Variants in DACH2 observed in about 807,000 individuals in gnomAD.
DACH2 encodes the protein dachshund homolog 2.
A neutral mutation model predicts 35.8 loss-of-function variants in DACH2; 17 were observed. The observed-to-expected ratio is 0.48, with a 90% confidence interval of 0.33 to 0.71. The LOEUF (loss-of-function observed/expected upper bound fraction) is 0.71, where lower values mean the gene tolerates loss of function less well. Ranked by LOEUF, DACH2 falls within the 30% of genes least tolerant of loss-of-function variation. The probability of loss-of-function intolerance (pLI) is 0.02; values close to 1 mark genes in which losing one functional copy is unlikely to be tolerated. For missense variants in DACH2, 469 were observed against 472.7 expected, an observed-to-expected ratio of 0.99 and a Z score of 0.07; for synonymous variants, 195 against 177.3, an observed-to-expected ratio of 1.10 and a Z score of -0.79.
intron 2 of DACH2, chrX:86,481,742 C>T (rs1302910569): frequency 1.8e-5 from 2 of 111,756 alleles, no homozygotes; most frequent in East Asian, 5.7e-4. Flanking sequence ...TCTGGAAGAT[C>T]CCTGGAGCTC....
intron 3 of DACH2, among the ~76,000 whole-genome samples, chrX:86,543,273 C>A (rs2038911501): frequency 9.0e-6 from 1 of 111,606 alleles, no homozygotes; most frequent in Non-Finnish European, 1.9e-5. Context: ...ACTGAATCCA[C>A]CTTATAAACC....
intron 11 of DACH2, among the ~76,000 whole-genome samples, chrX:86,822,644 A>C (rs2147363853): frequency 8.9e-6 from 1 of 111,798 alleles, no homozygotes; most frequent in East Asian, 2.8e-4. Flanking sequence ...AGACTATAGT[A>C]TTTTCCCATG....
intron 2 of DACH2, among the ~76,000 whole-genome samples, chrX:86,429,969 A>T (rs1469147785): frequency 8.9e-6 from 1 of 112,279 alleles, no homozygotes; most frequent in African/African-American, 3.2e-5. Flanking sequence ...GAAAATGTGA[A>T]TTTTCTGTTT....
intron 1 of DACH2, among the ~76,000 whole-genome samples, chrX:86,237,564 G>A (rs764224516): frequency 4.0e-4 from 45 of 111,230 alleles, no homozygotes; most frequent in African/African-American, 1.4e-3. Flanking sequence ...GCCTCTGCCC[G>A]AGTTTTTACT....
Position 86,283,987 on chromosome X carries a change from A to AT in DACH2, c.489-92828dup, listed in dbSNP as rs139934125. The stretch of plus-strand genomic sequence containing the variant: ...AACTTTACTGAATTTATCAGTTTTA[A>AT]TTTTTTTTTGGTGTATTCTTTAGGT... On this transcript the variant is annotated intron_variant, in intron 1 of 11. Coordinates refer to ENST00000373125, the MANE Select transcript of DACH2 (RefSeq NM_053281.3). 2.9e-4 allele frequency among the ~76,000 whole-genome samples: 32 copies of AT among 108,603 alleles called. No homozygotes were observed. The East Asian group carries it at 5.8e-3, about 20-fold the overall frequency. 94.3% of individuals were successfully genotyped at this position (108,603 alleles called of 115,157 possible).
chrX:86,538,079 G>T (rs1261953813), intron 3 of DACH2, among the ~76,000 whole-genome samples: 1 of 110,698 alleles, frequency 9.0e-6, no homozygotes, highest in Non-Finnish European at 1.9e-5. Flanking sequence ...CCTGCACCCA[G>T]GTGATTAAAA....
intron 1 of DACH2, among the ~76,000 whole-genome samples, chrX:86,168,750 C>T (rs911771323): frequency 1.6e-4 from 17 of 109,130 alleles, no homozygotes; most frequent in Non-Finnish European, 2.9e-4. Context: ...GAAAAAACTA[C>T]ACTTTGCATT....
chrX:86,732,941 T>C (rs901986823), intron 6 of DACH2, among the ~76,000 whole-genome samples: 2 of 111,393 alleles, frequency 1.8e-5, no homozygotes, highest in Non-Finnish European at 3.8e-5. Flanking sequence ...ACAGCATTGA[T>C]TTACCTGTGA....
chrX:86,671,491 G>T, intron 4 of DACH2, among the ~76,000 whole-genome samples: 1 of 111,120 alleles, frequency 9.0e-6, no homozygotes, highest in Middle Eastern at 4.7e-3. Context: ...TCTCATGATA[G>T]TGAGTGAGAT....
At chrX:86,628,512 T>C (rs932473771) in intron 3 of DACH2, among the ~76,000 whole-genome samples, 4 of 112,640 alleles carry the variant, frequency 3.6e-5, no homozygotes, top group Admixed American at 1.9e-4. Context: ...TTTCTTGATG[T>C]TATGAATTAC....
chrX:86,769,027 A>T (rs1306900773), intron 7 of DACH2, among the ~76,000 whole-genome samples: 5 of 111,362 alleles, frequency 4.5e-5, no homozygotes, highest in Non-Finnish European at 7.5e-5. Context: ...CAAATCAATA[A>T]TTTGATTCAC....
chrX:86,183,224 G>T (rs1293512889), intron 1 of DACH2, among the ~76,000 whole-genome samples: 5 of 112,013 alleles, frequency 4.5e-5, no homozygotes, highest in Non-Finnish European at 7.5e-5. Flanking sequence ...GTTGATAGGA[G>T]TGGTGAGAGA....
intron 7 of DACH2, among the ~76,000 whole-genome samples, chrX:86,802,528 G>GAAA (rs34700295): frequency 8.6e-4 from 54 of 63,089 alleles, no homozygotes; most frequent in East Asian, 2.0e-3. Context: ...TTTCTTGGTT[G>GAAA]AAAAAAAAAA....
chrX:86,499,098 A>G, intron 2 of DACH2, among the ~76,000 whole-genome samples: 1 of 112,048 alleles, frequency 8.9e-6, no homozygotes, highest in African/African-American at 3.2e-5. Flanking sequence ...TAGGTACTTT[A>G]CTTATTTTGA....
At chrX:86,280,753 G>T (rs1252237688) in intron 1 of DACH2, among the ~76,000 whole-genome samples, 1 of 111,762 alleles carries the variant, frequency 8.9e-6, no homozygotes, top group African/African-American at 3.3e-5. Context: ...AGGGATAGAG[G>T]AATATTTACC....
intron 4 of DACH2, among the ~76,000 whole-genome samples, chrX:86,672,799 T>A (rs1449372481): frequency 9.0e-6 from 1 of 111,408 alleles, no homozygotes; most frequent in Non-Finnish European, 1.9e-5. Context: ...CCATACAAAG[T>A]CACCACTGGG....
chrX:86,376,872 T>C lies in DACH2; in HGVS notation c.527+10T>C, dbSNP rs770873046. 1 of 745,337 alleles carries C rather than the reference T, an allele frequency of 1.3e-6. No individual in the cohort carries two copies. Among genetic ancestry groups the C allele is most frequent in the Non-Finnish European group, 2.1e-6 (1 of 487,096 alleles). 61.4% of individuals were successfully genotyped at this position (745,337 alleles called of 1,213,427 possible). ...AACAAGCTGTTAACAGGTATTTATGTATTTATTTTTTAAAAATCAAATTCC... is the reference window on the plus strand; with the variant it reads ...AACAAGCTGTTAACAGGTATTTATGCATTTATTTTTTAAAAATCAAATTCC... On this transcript the variant is annotated intron_variant, in intron 2 of 11. Coordinates refer to ENST00000373125, the MANE Select transcript of DACH2 (RefSeq NM_053281.3).
chrX:86,666,779 C>T (rs755002143), intron 4 of DACH2, among the ~76,000 whole-genome samples: 7 of 111,111 alleles, frequency 6.3e-5, no homozygotes, highest in Non-Finnish European at 1.1e-4. Context: ...GGTAAGATGC[C>T]CATTTAGTTT....
chrX:86,755,887 G>A lies in DACH2; in HGVS notation c.1240+16005G>A, dbSNP rs112854669. 8.6e-3 allele frequency among the ~76,000 whole-genome samples: 958 copies of A among 110,783 alleles called. 8 individuals are homozygous for A. The highest frequency in any genetic ancestry group is 0.03 in the African/African-American group (914 of 30,456). On this transcript the variant is annotated intron_variant, in intron 7 of 11. Transcript: ENST00000373125. ...GCTGGGATTACAGGCGTGAGCCACC[G>A]TGCTCGGCCGACCTGATTTTTTTTA...
Sources: gnomAD v4.1 joint callset for allele counts (sites outside exome capture counted in the v4.1 genomes callset) on GRCh38, gnomAD v4.1.1 for gene constraint, MANE v1.5 for transcripts, NCBI Gene and HGNC (gene_info 2026-07-23, HGNC 2026-07-21) for gene names.